The following NRG1 variants were observed in gnomAD, a reference collection of about 807,000 sequenced individuals.
The protein encoded by NRG1 is neuregulin 1.
NRG1 carries 18 observed loss-of-function variants against 63.8 expected under a neutral mutation model. The ratio of observed to expected loss-of-function variants is 0.28; its 90% CI spans 0.19 to 0.42. The LOEUF is 0.42. Among genes scored for constraint, NRG1 ranks in the 10% least tolerant of loss-of-function variants. The pLI is 1.00. For missense variants in NRG1, 762 were observed against 814.7 expected (o/e 0.94, Z 0.79); for synonymous variants, 302 against 301.3 (o/e 1.00, Z -0.02).
chr8:32,731,705 CATAAT>C (rs1437497269), intron 6 of NRG1, among the ~76,000 whole-genome samples: 1 of 152,050 alleles, frequency 6.6e-6, no homozygotes, highest in African/African-American at 2.4e-5. Context: ...TAAACAAAGA[CATAAT>C]ATACTAGGTC....
chr8:32,755,113 G>A (rs1331188465), intron 8 of NRG1, among the ~76,000 whole-genome samples: 1 of 152,160 alleles, frequency 6.6e-6, no homozygotes, highest in African/African-American at 2.4e-5. Flanking sequence ...AATCTCAGGG[G>A]AGGAAAATGA....
intron 5 of NRG1, chr8:32,646,866 A>C (rs1853656119): frequency 5.1e-6 from 5 of 976,012 alleles, no homozygotes; most frequent in Non-Finnish European, 6.0e-6. Context: ...GCAGCTCTAG[A>C]GTGTGGGTAG....
rs117355764 is a variant in NRG1 at position 31,739,567 on chromosome 8, G to C, written c.37+100136G>C. ...ATAAATATTAATAATGTGTAACTAC[G>C]ACTCTGTGTGCTAAAACATTGTTGT... is the stretch of plus-strand genomic sequence containing the variant. On this transcript the variant is annotated intron_variant, in intron 1 of 10. Coordinates refer to the NRG1 transcript ENST00000519301. 3.9e-3 allele frequency among the ~76,000 whole-genome samples: 587 copies of C among 152,090 alleles called. 1 individual carries two copies. The highest frequency in any genetic ancestry group is 0.019 in the South Asian group (91 of 4,810).
At chr8:32,257,981 T>C (rs1849923073) in intron 1 of NRG1, among the ~76,000 whole-genome samples, 1 of 152,356 alleles carries the variant, frequency 6.6e-6, no homozygotes, top group African/African-American at 2.4e-5. Context: ...AAAAGACTGA[T>C]TTAATAGCTA....
chr8:32,610,926 C>A (rs1846269346), intron 3 of NRG1, among the ~76,000 whole-genome samples: 1 of 152,106 alleles, frequency 6.6e-6, no homozygotes, highest in Non-Finnish European at 1.5e-5. Flanking sequence ...TGTTTACACA[C>A]CCTACACACT....
At chr8:32,403,170 G>A (rs1167485506) in intron 1 of NRG1, among the ~76,000 whole-genome samples, 2 of 151,872 alleles carry the variant, frequency 1.3e-5, no homozygotes, top group African/African-American at 2.4e-5. Flanking sequence ...ACAGTGGCAG[G>A]TGCCTGTAAT....
At chr8:31,751,665 A>G (rs941778329) in intron 1 of NRG1, among the ~76,000 whole-genome samples, 1 of 151,990 alleles carries the variant, frequency 6.6e-6, no homozygotes, top group Non-Finnish European at 1.5e-5. Context: ...GGACACAGAC[A>G]GACTTTCACT....
At chr8:31,883,078 T>C (rs919035467) in intron 1 of NRG1, among the ~76,000 whole-genome samples, 2 of 152,002 alleles carry the variant, frequency 1.3e-5, no homozygotes, top group Non-Finnish European at 2.9e-5. Flanking sequence ...CAGAGAAATA[T>C]TTTATAAAAG....
At chr8:31,865,498 C>T (rs1192821932) in intron 1 of NRG1, among the ~76,000 whole-genome samples, 1 of 152,070 alleles carries the variant, frequency 6.6e-6, no homozygotes. Context: ...CCATAATCTC[C>T]ATGTGTCATG....
At chr8:31,883,045 C>T (rs1035972769) in intron 1 of NRG1, among the ~76,000 whole-genome samples, 1 of 151,992 alleles carries the variant, frequency 6.6e-6, no homozygotes, top group Non-Finnish European at 1.5e-5. Context: ...GGGTAGCATG[C>T]TATCAAAGAG....
chr8:31,834,718 T>A (rs1295111768), intron 1 of NRG1, among the ~76,000 whole-genome samples: 3 of 152,066 alleles, frequency 2.0e-5, no homozygotes, highest in African/African-American at 4.8e-5. Flanking sequence ...CTCAAAAAAT[T>A]TAAAAAATAA....
At chr8:31,903,381 C>T (rs566783504) in intron 1 of NRG1, among the ~76,000 whole-genome samples, 23 of 151,644 alleles carry the variant, frequency 1.5e-4, no homozygotes, top group Non-Finnish European at 3.1e-4. Context: ...GATCTCCTGA[C>T]CTCGTGATCC....
At chr8:31,748,972 C>T (rs186408595) in intron 1 of NRG1, among the ~76,000 whole-genome samples, 7 of 151,938 alleles carry the variant, frequency 4.6e-5, no homozygotes, top group East Asian at 1.9e-4. Context: ...TTAATCACAG[C>T]GACTTTCTTT....
chr8:31,980,676 G>C (rs1187871708), intron 1 of NRG1, among the ~76,000 whole-genome samples: 2 of 151,960 alleles, frequency 1.3e-5, no homozygotes, highest in Non-Finnish European at 2.9e-5. Context: ...AAAGGTTTAG[G>C]TCTAGATTAG....
intron 1 of NRG1, among the ~76,000 whole-genome samples, chr8:31,799,184 A>C (rs1821515846): frequency 6.6e-6 from 1 of 152,234 alleles, no homozygotes; most frequent in South Asian, 2.1e-4. Context: ...GCATAGGCAA[A>C]CCCCAAACAA....
chr8:31,761,749 C>A (rs1385806569), intron 1 of NRG1, among the ~76,000 whole-genome samples: 2 of 151,916 alleles, frequency 1.3e-5, no homozygotes, highest in Non-Finnish European at 2.9e-5. Flanking sequence ...ATTACCATAA[C>A]AAATATAATG....
chr8:32,552,005 G>T (rs1834228748), intron 1 of NRG1, among the ~76,000 whole-genome samples: 1 of 150,512 alleles, frequency 6.6e-6, no homozygotes, highest in African/African-American at 2.5e-5. Flanking sequence ...CTGCCTCCTG[G>T]GTTCAAGTGA....
At chr8:32,058,097 C>T (rs750929171) in intron 1 of NRG1, among the ~76,000 whole-genome samples, 3 of 152,122 alleles carry the variant, frequency 2.0e-5, no homozygotes, top group Admixed American at 1.3e-4. Context: ...TAATTCACCA[C>T]GTGTAGCCCA....
chr8:31,739,184 A>T (rs1271620491), intron 1 of NRG1, among the ~76,000 whole-genome samples: 1 of 152,094 alleles, frequency 6.6e-6, no homozygotes, highest in Non-Finnish European at 1.5e-5. Flanking sequence ...AAGGATGGAC[A>T]AAGCCAGGTC....
Sources: gnomAD v4.1 joint callset for allele counts (sites outside exome capture counted in the v4.1 genomes callset) on GRCh38, gnomAD v4.1.1 for gene constraint, MANE v1.5 for transcripts, NCBI Gene and HGNC (gene_info 2026-07-23, HGNC 2026-07-21) for gene names.